Variants in ADAMTS18 observed in about 807,000 individuals in gnomAD.
ADAMTS18 encodes the protein A disintegrin and metalloproteinase with thrombospondin motifs 18.
ADAMTS18 carries 157 observed loss-of-function variants against 165.9 expected under a neutral mutation model. The ratio of observed to expected loss-of-function variants is 0.95; its 90% CI spans 0.83 to 1.08. The LOEUF (loss-of-function observed/expected upper bound fraction) is 1.08. Among genes scored for constraint, ADAMTS18 ranks in the 50% least tolerant of loss-of-function variants. The pLI, the probability that ADAMTS18 is intolerant of heterozygous loss-of-function variation, is 0.00. For missense variants in ADAMTS18, 2,040 were observed against 1,534.0 expected (o/e 1.33, Z -5.51); for synonymous variants, 782 against 578.2 (o/e 1.35, Z -5.06).
chr16:77,391,688 TAGAAAC>T (rs1220629907), intron 3 of ADAMTS18, among the ~76,000 whole-genome samples: 1 of 152,062 alleles, frequency 6.6e-6, no homozygotes, highest in East Asian at 1.9e-4. Flanking sequence ...CTGCTGGGGT[TAGAAAC>T]AGAATGACAA....
intron 4 of ADAMTS18, among the ~76,000 whole-genome samples, chr16:77,365,578 A>G (rs1288106462): frequency 6.6e-6 from 1 of 152,232 alleles, no homozygotes. Flanking sequence ...CACCAAGTTA[A>G]CAGAATGGAT....
rs779384347 is a variant in ADAMTS18, at chr16:77,336,030, T to C, written c.1711-126A>G. The C allele has an allele frequency of 2.5e-5, 28 of 1,134,988 alleles. 1 individual carries two copies. Among genetic ancestry groups the C allele is most frequent in the Admixed American group, 3.5e-5 (2 of 56,422 alleles). The allele number at this position is 1,134,988 out of a possible 1,614,324, so 70.3% of individuals were successfully genotyped here. A position where few individuals can be genotyped will look rare whatever the true frequency, so the allele number is the denominator to read the frequency against. ...GGAGAAAAGGAAAATGCCTGATACCTTGATAAATTCCTCTGCTGTGCTCTA... is the reference window on the plus strand; with the variant it reads ...GGAGAAAAGGAAAATGCCTGATACCCTGATAAATTCCTCTGCTGTGCTCTA... On this transcript the variant is annotated intron_variant, in intron 11 of 22. Transcript: ENST00000282849.
At chr16:77,292,701 G>A (rs1018539742) in intron 20 of ADAMTS18, among the ~76,000 whole-genome samples, 5 of 152,212 alleles carry the variant, frequency 3.3e-5, no homozygotes, top group African/African-American at 4.8e-5. Flanking sequence ...GCAATGTTTC[G>A]TGAAGAAATC....
At position 77,383,028 on chromosome 16, in the gene ADAMTS18, A is replaced by G. The variant is rs531118309; in HGVS notation, c.496-15305T>C. Among the ~76,000 whole-genome samples, 30 of 152,240 alleles carry G rather than the reference A, an allele frequency of 2.0e-4. 1 individual carries two copies. The East Asian group carries it at 5.2e-3, about 26-fold the overall frequency. On this transcript the variant is annotated intron_variant, in intron 3 of 22. Coordinates refer to ENST00000282849, the MANE Select transcript of ADAMTS18 (RefSeq NM_199355.4). ...CTTCTTTGCTCCAAACTGACATCCT[A>G]TGGAATGTGGCATTATGCAGTTAAG...
At chr16:77,328,204 C>T (rs2056127850) in intron 12 of ADAMTS18, among the ~76,000 whole-genome samples, 1 of 151,990 alleles carries the variant, frequency 6.6e-6, no homozygotes, top group African/African-American at 2.4e-5. Context: ...AAAAGAGCAC[C>T]ACCACATTGA....
At position 77,337,258 on chromosome 16, in the gene ADAMTS18, C is replaced by T. The variant is rs139207363; in HGVS notation, c.1711-1354G>A. Among the ~76,000 whole-genome samples the T allele has an allele frequency of 5.3e-5, 8 of 152,172 alleles. No homozygotes were observed. In the East Asian group the frequency reaches 1.4e-3, roughly 26 times the overall value. On this transcript the variant is annotated intron_variant, in intron 11 of 22. Transcript: ENST00000282849. The stretch of plus-strand genomic sequence containing the variant: ...TACCATAAGCATGCATCTTTTCTAC[C>T]GGGAATCACGAGGACTCTACTGGAC...
intron 3 of ADAMTS18, among the ~76,000 whole-genome samples, chr16:77,421,865 A>G (rs1474746323): frequency 6.6e-6 from 1 of 152,224 alleles, no homozygotes; most frequent in African/African-American, 2.4e-5. Flanking sequence ...AATAAACATT[A>G]ATCAGAAGAA....
intron 16 of ADAMTS18, among the ~76,000 whole-genome samples, chr16:77,308,058 T>G (rs1240912876): frequency 1.3e-5 from 2 of 152,168 alleles, no homozygotes; most frequent in East Asian, 3.9e-4. Flanking sequence ...TCTCACTTAC[T>G]ATCATGAGAA....
chr16:77,319,554 G>A (rs920394030), intron 16 of ADAMTS18, among the ~76,000 whole-genome samples: 4 of 152,060 alleles, frequency 2.6e-5, no homozygotes, highest in Non-Finnish European at 5.9e-5. Flanking sequence ...CAATTCTCCC[G>A]CCTCAGCCCC....
chr16:77,376,441 G>A (rs1597193895), intron 3 of ADAMTS18, among the ~76,000 whole-genome samples: 2 of 152,292 alleles, frequency 1.3e-5, no homozygotes, highest in Admixed American at 6.5e-5. Flanking sequence ...CCACTTAGAT[G>A]TGGCTGCCAA....
chr16:77,408,853 T>C (rs1160601126), intron 3 of ADAMTS18, among the ~76,000 whole-genome samples: 1 of 152,128 alleles, frequency 6.6e-6, no homozygotes, highest in Non-Finnish European at 1.5e-5. Flanking sequence ...CACATTTCAC[T>C]CTCCATGGTT....
intron 3 of ADAMTS18, among the ~76,000 whole-genome samples, chr16:77,405,397 T>C (rs867121847): frequency 1.4e-4 from 22 of 152,292 alleles, no homozygotes; most frequent in African/African-American, 4.3e-4. Flanking sequence ...ATAGGACAGA[T>C]TTATTGTAAT....
chr16:77,370,790 G>GATATATATAT lies in ADAMTS18; in HGVS notation c.496-3077_496-3068dup, dbSNP rs148727471. ...AAACAATCCCATTTATAATAGCTACGATATATATATATATATACATATACA... is the reference window on the plus strand; with the variant it reads ...AAACAATCCCATTTATAATAGCTACGATATATATATATATATATATATATATACATATACA... On this transcript the variant is annotated intron_variant, in intron 3 of 22. Coordinates refer to ENST00000282849, the MANE Select transcript of ADAMTS18 (RefSeq NM_199355.4). 5.1e-3 allele frequency among the ~76,000 whole-genome samples: 748 copies of GATATATATAT among 147,036 alleles called. 8 individuals are homozygous for GATATATATAT. The highest frequency in any genetic ancestry group is 0.019 in the South Asian group (88 of 4,640).
chr16:77,402,949 G>T (rs955052684), intron 3 of ADAMTS18, among the ~76,000 whole-genome samples: 1 of 152,144 alleles, frequency 6.6e-6, no homozygotes, highest in Non-Finnish European at 1.5e-5. Flanking sequence ...TGGAGCAACT[G>T]CCGGACAGCA....
chr16:77,358,614 A>G (rs191484805), intron 8 of ADAMTS18, among the ~76,000 whole-genome samples: 208 of 152,340 alleles, frequency 1.4e-3, no homozygotes, highest in Middle Eastern at 0.014. Flanking sequence ...AACTATGGTT[A>G]CTGAATGATG....
chr16:77,314,373 C>G (rs975876942), intron 16 of ADAMTS18, among the ~76,000 whole-genome samples: 1 of 151,690 alleles, frequency 6.6e-6, no homozygotes, highest in Non-Finnish European at 1.5e-5. Context: ...TTTGGGAGGC[C>G]GAGGCGGGTG....
intron 3 of ADAMTS18, among the ~76,000 whole-genome samples, chr16:77,407,862 G>C (rs536350230): frequency 3.3e-5 from 5 of 152,146 alleles, no homozygotes; most frequent in African/African-American, 1.2e-4. Flanking sequence ...ATATTTTCAT[G>C]ATCTTGGATG....
intron 3 of ADAMTS18, among the ~76,000 whole-genome samples, chr16:77,400,340 T>C (rs777844391): frequency 5.9e-5 from 9 of 152,110 alleles, no homozygotes; most frequent in Non-Finnish European, 1.3e-4. Context: ...AGCCATCCTT[T>C]GGGGATGGAG....
chr16:77,419,891 T>C (rs11149993), intron 3 of ADAMTS18, among the ~76,000 whole-genome samples: 89,049 of 150,384 alleles, frequency 0.59, 27,414 homozygotes, highest in Middle Eastern at 0.74. Flanking sequence ...CCCAGCTACT[T>C]GGGAGGCCGA....
Sources: allele counts gnomAD v4.1 joint callset (sites outside exome capture counted in the v4.1 genomes callset), GRCh38; gene constraint gnomAD v4.1.1; transcripts MANE v1.5; gene names NCBI Gene and HGNC (gene_info 2026-07-23, HGNC 2026-07-21).